The following TENM4 variants were observed in gnomAD, a reference collection of about 807,000 sequenced individuals.
The protein encoded by TENM4 is teneurin-4.
Under a neutral mutation model 243.3 loss-of-function variants are expected in TENM4, and 82 were observed. The observed-to-expected ratio is 0.34, with a 90% CI of 0.28 to 0.40. The LOEUF is 0.40. Among genes scored for constraint, TENM4 ranks in the 10% least tolerant of loss-of-function variants. TENM4 has a pLI of 1.00. For missense variants in TENM4, 3,138 were observed against 3,673.3 expected (o/e 0.85, Z 3.77); for synonymous variants, 1,412 against 1,456.3 (o/e 0.97, Z 0.69).
intron 4 of TENM4, among the ~76,000 whole-genome samples, chr11:79,080,047 G>C (rs906325549): frequency 6.6e-6 from 1 of 152,070 alleles, no homozygotes; most frequent in Non-Finnish European, 1.5e-5. Flanking sequence ...CTACTCCTTG[G>C]GGTCTCAGGA....
intron 1 of TENM4, among the ~76,000 whole-genome samples, chr11:79,332,952 C>A (rs1295615393): frequency 6.6e-6 from 1 of 152,136 alleles, no homozygotes; most frequent in Non-Finnish European, 1.5e-5. Context: ...ATACCCAATT[C>A]CCCTTCTACA....
intron 2 of TENM4, among the ~76,000 whole-genome samples, chr11:79,266,885 T>A (rs1855892345): frequency 6.6e-6 from 1 of 151,644 alleles, no homozygotes; most frequent in Non-Finnish European, 1.5e-5. Context: ...TACCACAGAG[T>A]TTTATGGGAG....
At chr11:79,164,961 G>A (rs58334177) in intron 3 of TENM4, among the ~76,000 whole-genome samples, 58,791 of 117,250 alleles carry the variant, frequency 0.5, 12,060 homozygotes, top group East Asian at 0.77. Flanking sequence ...ATATATATGT[G>A]TGTGTGTGTG....
chr11:78,712,741 G>A (rs1859429783), intron 25 of TENM4, 27 bp from the exon 26 acceptor site: 1 of 1,602,378 alleles, frequency 6.2e-7, no homozygotes, highest in Admixed American at 1.7e-5. Flanking sequence ...TGGCCAACTG[G>A]TGAGCATTTT....
chr11:78,785,312 C>T (rs1856912674), intron 16 of TENM4, among the ~76,000 whole-genome samples: 1 of 152,168 alleles, frequency 6.6e-6, no homozygotes, highest in Admixed American at 6.5e-5. Context: ...CCTGCAGTGG[C>T]TGCCATTGTG....
intron 6 of TENM4, among the ~76,000 whole-genome samples, chr11:79,018,960 T>C (rs1412446739): frequency 6.6e-6 from 1 of 152,214 alleles, no homozygotes; most frequent in Non-Finnish European, 1.5e-5. Flanking sequence ...CTTGGAGCCT[T>C]GGCTCCCAGC....
intron 6 of TENM4, among the ~76,000 whole-genome samples, chr11:79,004,827 C>T (rs578197853): frequency 6.8e-6 from 1 of 147,052 alleles, no homozygotes. Context: ...TTTTTTGATA[C>T]AAGTAAGACT....
intron 17 of TENM4, among the ~76,000 whole-genome samples, chr11:78,776,689 G>T (rs751818123): frequency 3.9e-5 from 6 of 152,072 alleles, no homozygotes; most frequent in Non-Finnish European, 8.8e-5. Context: ...CCTTGATTTT[G>T]CCAAGAAACA....
intron 18 of TENM4, among the ~76,000 whole-genome samples, chr11:78,766,860 G>A (rs1483094288): frequency 6.6e-6 from 1 of 151,824 alleles, no homozygotes; most frequent in East Asian, 1.9e-4. Flanking sequence ...GCCCCACCAA[G>A]CCCAGCTAAT....
intron 20 of TENM4, among the ~76,000 whole-genome samples, chr11:78,736,528 T>C (rs1252217542): frequency 6.6e-6 from 1 of 151,544 alleles, no homozygotes; most frequent in African/African-American, 2.4e-5. Flanking sequence ...TGAGGGCAAG[T>C]ATCATGGTGC....
intron 3 of TENM4, among the ~76,000 whole-genome samples, chr11:79,162,576 C>T (rs501435): frequency 0.75 from 113,450 of 151,998 alleles, 43,573 homozygotes; most frequent in Non-Finnish European, 0.86. Context: ...CTAGCTCCAC[C>T]GGAATCCCAA....
chr11:79,349,078 G>C (rs1857374249), intron 1 of TENM4, among the ~76,000 whole-genome samples: 4 of 152,244 alleles, frequency 2.6e-5, no homozygotes, highest in Admixed American at 2.6e-4. Context: ...CAATACCAGG[G>C]TCCCGACTCC....
chr11:79,098,161 C>T (rs536616799), intron 4 of TENM4, among the ~76,000 whole-genome samples: 2 of 152,302 alleles, frequency 1.3e-5, no homozygotes, highest in South Asian at 4.1e-4. Flanking sequence ...GTCTGGGCTT[C>T]CCAGGCCCCT....
At chr11:78,810,021 T>TA in intron 14 of TENM4, among the ~76,000 whole-genome samples, 1 of 152,108 alleles carries the variant, frequency 6.6e-6, no homozygotes, top group African/African-American at 2.4e-5. Context: ...GTTCAAGCTT[T>TA]AAAAAATATG....
intron 6 of TENM4, among the ~76,000 whole-genome samples, chr11:78,918,844 T>C (rs1856381494): frequency 6.6e-6 from 1 of 152,142 alleles, no homozygotes; most frequent in Admixed American, 6.5e-5. Flanking sequence ...AGAAATAAAG[T>C]AGAAAGACCA....
intron 4 of TENM4, chr11:79,092,766 T>C (rs1373179181): frequency 6.6e-6 from 1 of 152,230 alleles, no homozygotes; most frequent in Non-Finnish European, 1.5e-5. Flanking sequence ...ATGTTTAGAA[T>C]ACAAAGATAA....
chr11:78,771,165 T>C (rs1230799366), intron 17 of TENM4, 27 bp from the exon 18 acceptor site: 3 of 1,556,264 alleles, frequency 1.9e-6, no homozygotes, highest in Non-Finnish European at 2.6e-6. Context: ...AGGGTTGAGG[T>C]CTGATCACCC....
At chr11:78,735,144 G>A (rs914048708) in intron 20 of TENM4, among the ~76,000 whole-genome samples, 3 of 152,126 alleles carry the variant, frequency 2.0e-5, no homozygotes, top group African/African-American at 7.2e-5. Flanking sequence ...CCCAGATTTG[G>A]GGCTCCAAGC....
At chr11:79,015,567 A>G (rs538772035) in intron 6 of TENM4, among the ~76,000 whole-genome samples, 2 of 152,044 alleles carry the variant, frequency 1.3e-5, no homozygotes, top group South Asian at 2.1e-4. Flanking sequence ...AACCTATTCA[A>G]TTAAAACAAC....
Sources: allele counts gnomAD v4.1 joint callset (sites outside exome capture counted in the v4.1 genomes callset), GRCh38; gene constraint gnomAD v4.1.1; transcripts MANE v1.5; gene names NCBI Gene and HGNC (gene_info 2026-07-23, HGNC 2026-07-21).